The following DDX46 variants were observed in gnomAD, a reference collection of about 807,000 sequenced individuals.
DDX46 encodes DEAD-box helicase 46.
DDX46 carries 30 observed loss-of-function variants against 134.9 expected under a neutral mutation model. The observed-to-expected ratio is 0.22, with a 90% CI of 0.17 to 0.30. The LOEUF (loss-of-function observed/expected upper bound fraction) is 0.30, where lower values mean the gene tolerates loss of function less well. Among genes scored for constraint, DDX46 ranks in the 10% least tolerant of loss-of-function variants. DDX46 has a pLI of 1.00. For missense variants in DDX46, 622 were observed against 1,248.7 expected, an observed-to-expected ratio of 0.50 and a Z score of 7.56; for synonymous variants, 415 against 404.1, an observed-to-expected ratio of 1.03 and a Z score of -0.32.
At chr5:134,790,415 G>T (rs1401227227) in intron 12 of DDX46, 55 bp from the exon 13 acceptor site, 16 of 1,515,490 alleles carry the variant, frequency 1.1e-5, no homozygotes, top group Non-Finnish European at 1.3e-5. Flanking sequence ...GCCATAAAAT[G>T]AATTGTGACT....
intron 21 of DDX46, among the ~76,000 whole-genome samples, chr5:134,825,400 C>T (rs550747826): frequency 6.6e-6 from 1 of 152,230 alleles, no homozygotes; most frequent in African/African-American, 2.4e-5. Context: ...ACTTCATAGC[C>T]ATACCCTTGG....
intron 18 of DDX46, among the ~76,000 whole-genome samples, chr5:134,814,784 T>G (rs1755240848): frequency 6.6e-6 from 1 of 152,166 alleles, no homozygotes; most frequent in African/African-American, 2.4e-5. Context: ...CCTGGGTAAC[T>G]TTTATATTTT....
At chr5:134,786,150 A>G (rs1009881936) in intron 11 of DDX46, among the ~76,000 whole-genome samples, 1 of 151,988 alleles carries the variant, frequency 6.6e-6, no homozygotes, top group African/African-American at 2.4e-5. Flanking sequence ...TGCCTGACCA[A>G]TCTTACATGT....
intron 1 of DDX46, among the ~76,000 whole-genome samples, chr5:134,760,942 G>T (rs1331019752): frequency 6.6e-6 from 1 of 152,014 alleles, no homozygotes; most frequent in Non-Finnish European, 1.5e-5. Flanking sequence ...TGTTAGCCAG[G>T]GTGGTCTCGA....
rs867986546 is a variant in DDX46 at position 134,807,918 on chromosome 5, C to T, written c.2125C>T (p.Arg709Trp). ...TGAGGATTATGTACACAGAGCAGGG[C>T]GGACTGGAAGAGCAGGAAACAAGGT... ...HYEDYVHRAG[R>W]TGRAGNKGYA... is the part of the protein sequence containing the mutation. The change falls in exon 16 of 23, where the codon CGG (arginine) becomes TGG (tryptophan). Residue 709 changes from arginine (R) to tryptophan (W), a missense_variant. Arg to Trp is a moderately radical substitution (Grantham distance 101). Coordinates refer to ENST00000452510, the MANE Select transcript of DDX46 (RefSeq NM_001300860.2). 1 of 1,603,694 alleles carries T rather than the reference C, an allele frequency of 6.2e-7. No homozygotes were observed. The highest frequency in any genetic ancestry group is 8.5e-7 in the Non-Finnish European group (1 of 1,174,868).
intron 16 of DDX46, among the ~76,000 whole-genome samples, chr5:134,810,413 C>G (rs1484744140): frequency 3.3e-5 from 5 of 151,548 alleles, no homozygotes; most frequent in Admixed American, 3.3e-4. Context: ...ATCTCACATG[C>G]ACTGCAACCT....
intron 10 of DDX46, 141 bp downstream of exon 10, chr5:134,784,682 C>A: frequency 1.2e-6 from 1 of 828,760 alleles, no homozygotes; most frequent in Non-Finnish European, 1.7e-6. Context: ...CACTTTGGGG[C>A]TGATTTCCCC....
chr5:134,783,126 A>G, intron 9 of DDX46, 61 bp downstream of exon 9: 1 of 1,568,006 alleles, frequency 6.4e-7, no homozygotes, highest in South Asian at 1.2e-5. Flanking sequence ...GTCCTTCCAC[A>G]CCAGTGTCTC....
At chr5:134,784,147 G>A (rs1754261770) in intron 9 of DDX46, among the ~76,000 whole-genome samples, 1 of 152,112 alleles carries the variant, frequency 6.6e-6, no homozygotes, top group African/African-American at 2.4e-5. Flanking sequence ...ACAATATATA[G>A]TCTTTACTGC....
At chr5:134,820,271 T>G (rs1755405471) in intron 21 of DDX46, among the ~76,000 whole-genome samples, 1 of 152,238 alleles carries the variant, frequency 6.6e-6, no homozygotes, top group Non-Finnish European at 1.5e-5. Context: ...GTGGTTTTTG[T>G]TTTTGTTTTC....
intron 21 of DDX46, among the ~76,000 whole-genome samples, chr5:134,823,565 C>T (rs1234813863): frequency 6.6e-6 from 1 of 152,116 alleles, no homozygotes; most frequent in Non-Finnish European, 1.5e-5. Flanking sequence ...CTTTTTTCTT[C>T]ATGTTTGTGA....
chr5:134,788,470 T>G (rs1360683610), intron 11 of DDX46, 43 bp from the exon 12 acceptor site: 9 of 1,503,902 alleles, frequency 6.0e-6, no homozygotes, highest in Non-Finnish European at 8.3e-6. Flanking sequence ...AGTGTTTAAG[T>G]AAGCATTAGT....
At chr5:134,791,781 A>G (rs890804206) in intron 13 of DDX46, among the ~76,000 whole-genome samples, 2 of 152,224 alleles carry the variant, frequency 1.3e-5, no homozygotes, top group African/African-American at 2.4e-5. Context: ...CATGTATTGT[A>G]TTTAGATTTA....
At chr5:134,789,885 T>C (rs531324520) in intron 12 of DDX46, among the ~76,000 whole-genome samples, 1 of 152,360 alleles carries the variant, frequency 6.6e-6, no homozygotes, top group African/African-American at 2.4e-5. Flanking sequence ...TGTATTTATG[T>C]AATGTGTTTT....
At chr5:134,770,512 C>A (rs1753728805) in intron 3 of DDX46, among the ~76,000 whole-genome samples, 1 of 152,094 alleles carries the variant, frequency 6.6e-6, no homozygotes. Context: ...CCTTACCCCA[C>A]CTGTAAAAGT....
chr5:134,808,093 T>C (rs1164131031), intron 16 of DDX46, 152 bp downstream of exon 16: 1 of 723,556 alleles, frequency 1.4e-6, no homozygotes, highest in Admixed American at 3.2e-5. Flanking sequence ...ATAATTTATA[T>C]ACATGTACAG....
chr5:134,813,350 G>C (rs1422726271), intron 18 of DDX46, among the ~76,000 whole-genome samples: 4 of 152,202 alleles, frequency 2.6e-5, no homozygotes, highest in South Asian at 4.1e-4. Flanking sequence ...AGGAAATCAG[G>C]AGCAGTTTAG....
At chr5:134,780,179 T>G (rs1254740922) in intron 6 of DDX46, among the ~76,000 whole-genome samples, 4 of 151,630 alleles carry the variant, frequency 2.6e-5, no homozygotes, top group African/African-American at 9.7e-5. Context: ...TATGTATATG[T>G]GTGTATGTAT....
chr5:134,786,895 T>A (rs1280971807), intron 11 of DDX46, among the ~76,000 whole-genome samples: 1 of 142,698 alleles, frequency 7.0e-6, no homozygotes, highest in Non-Finnish European at 1.5e-5. Flanking sequence ...ATATCAGAGG[T>A]GTTTTGTTGT....
Sources: allele counts gnomAD v4.1 joint callset (sites outside exome capture counted in the v4.1 genomes callset), GRCh38; gene constraint gnomAD v4.1.1; transcripts MANE v1.5; gene names NCBI Gene and HGNC (gene_info 2026-07-23, HGNC 2026-07-21).